CD300LD: variants seen among roughly 807,000 people sequenced by gnomAD.
CD300LD encodes the protein CMRF35-like molecule 5.
Under a neutral mutation model 20.3 loss-of-function variants are expected in CD300LD, and 18 were observed. The ratio of observed to expected loss-of-function variants is 0.89; its 90% confidence interval spans 0.61 to 1.32. The LOEUF (loss-of-function observed/expected upper bound fraction) is 1.32. CD300LD is among the 40% of genes most tolerant of loss of function. The pLI is 0.00. For missense variants in CD300LD, 195 were observed against 226.6 expected (o/e 0.86, Z 0.90); for synonymous variants, 104 against 90.1 (o/e 1.15, Z -0.87).
intron 2 of CD300LD, among the ~76,000 whole-genome samples, chr17:74,584,389 G>A (rs1306974394): frequency 1.3e-5 from 2 of 152,126 alleles, no homozygotes; most frequent in Non-Finnish European, 2.9e-5. Flanking sequence ...AAGAATGAGA[G>A]TCATGACCAA....
At chr17:74,581,424 A>G (rs1260752287) in intron 3 of CD300LD, among the ~76,000 whole-genome samples, 1 of 152,208 alleles carries the variant, frequency 6.6e-6, no homozygotes, top group Non-Finnish European at 1.5e-5. Context: ...GCTTGACCAC[A>G]GCAGGCCGTG....
At chr17:74,580,723 T>C (rs888388269) in intron 3 of CD300LD, among the ~76,000 whole-genome samples, 12 of 152,140 alleles carry the variant, frequency 7.9e-5, no homozygotes, top group African/African-American at 2.9e-4. Context: ...GCCTTCGTTG[T>C]TTCTTTCACC....
At chr17:74,592,109 G>C (rs1329159457) in intron 1 of CD300LD, 54 bp downstream of exon 1, 1 of 1,614,116 alleles carries the variant, frequency 6.2e-7, no homozygotes, top group Non-Finnish European at 8.5e-7. Context: ...GAGCGTCTCT[G>C]TCTCCAAGCC....
rs777023909 is a variant in CD300LD, at chr17:74,588,739, A to T, written c.151T>A (p.Trp51Arg). ...TTCCAATCAGCTCCTTGACACCGCC[A>T]CTTCAAGTAGGTCTCCCAGCCTGAG... Reference protein sequence around the residue: ...YGSGWETYLKWRCQGADWNYC... With the variant: ...YGSGWETYLKRRCQGADWNYC... The change falls in exon 2 of 4, where the codon TGG becomes AGG. Residue 51 changes from tryptophan (W) to arginine (R), a missense_variant. Coordinates refer to ENST00000375352, the MANE Select transcript of CD300LD (RefSeq NM_001115152.2). The T allele has an allele frequency of 9.3e-6, 15 of 1,614,148 alleles. No homozygotes were observed. Among genetic ancestry groups the T allele is most frequent in the Non-Finnish European group, 1.3e-5 (15 of 1,180,006 alleles).
In CD300LD at chr17:74,580,123, C is replaced by A. The variant is rs2030000974; in HGVS notation, c.474-10G>T. 1 of 1,586,298 alleles carries A rather than the reference C, an allele frequency of 6.3e-7. No individual in the cohort carries two copies. The highest frequency in any genetic ancestry group is 2.3e-5 in the East Asian group (1 of 44,342). On this transcript the variant is annotated splice_polypyrimidine_tract_variant and intron_variant, in intron 3 of 3. Coordinates refer to ENST00000375352, the MANE Select transcript of CD300LD (RefSeq NM_001115152.2). ...GCTCTTGAGCGGGGACCTGTGGGAACACGGTGACAGGAAATGAGCTGCCTC... is the reference window on the plus strand; with the variant it reads ...GCTCTTGAGCGGGGACCTGTGGGAAAACGGTGACAGGAAATGAGCTGCCTC...
intron 2 of CD300LD, among the ~76,000 whole-genome samples, chr17:74,587,402 T>C (rs987088769): frequency 2.0e-5 from 3 of 152,230 alleles, no homozygotes; most frequent in Non-Finnish European, 4.4e-5. Context: ...ATTCTTTTAG[T>C]AGCTATAAAA....
At chr17:74,591,725 C>T (rs1361905105) in intron 1 of CD300LD, among the ~76,000 whole-genome samples, 1 of 150,126 alleles carries the variant, frequency 6.7e-6, no homozygotes, top group African/African-American at 2.5e-5. Flanking sequence ...AAGAATGAAG[C>T]TTTGATTTGT....
At chr17:74,585,447 G>A (rs1046299115) in intron 2 of CD300LD, among the ~76,000 whole-genome samples, 2 of 152,136 alleles carry the variant, frequency 1.3e-5, no homozygotes, top group Non-Finnish European at 2.9e-5. Context: ...ACTGGCCTGT[G>A]TCACCCCCTC....
In CD300LD at chr17:74,588,723, G is replaced by A. The variant is rs1239526131; in HGVS notation, c.167C>T (p.Ala56Val). 2 of 1,614,120 alleles carry A rather than the reference G, an allele frequency of 1.2e-6. No homozygotes were observed. ...ETYLKWRCQGADWNYCNILVK... is the reference protein window; with the variant it reads ...ETYLKWRCQGVDWNYCNILVK... The stretch of plus-strand genomic sequence containing the variant: ...AAGGATGTTACAGTAATTCCAATCA[G>A]CTCCTTGACACCGCCACTTCAAGTA... The change falls in exon 2 of 4, where the codon GCT becomes GTT. Residue 56 changes from alanine (A) to valine (V), a missense_variant. Physicochemically the swap from Ala to Val is moderately conservative, Grantham distance 64. Coordinates refer to ENST00000375352, the MANE Select transcript of CD300LD (RefSeq NM_001115152.2).
In CD300LD at chr17:74,579,892, A is replaced by T; in HGVS notation, c.*110T>A. 1 of 636,878 alleles carries T rather than the reference A, an allele frequency of 1.6e-6. No individual in the cohort carries two copies. The highest frequency in any genetic ancestry group is 2.8e-6 in the Non-Finnish European group (1 of 362,412). The allele number at this position is 636,878 out of a possible 1,614,324, so 39.5% of individuals were successfully genotyped here. A position where few individuals can be genotyped will look rare whatever the true frequency, so the allele number is the denominator to read the frequency against. On this transcript the variant is annotated 3_prime_UTR_variant, in exon 4 of 4. Transcript: ENST00000375352. ...AGAGCAAGACTCTATCTCTAGAAAG[A>T]AAAAAAGAAGAGAAAAGAAAATGTT...
chr17:74,587,267 G>A (rs1022739332), intron 2 of CD300LD, among the ~76,000 whole-genome samples: 1 of 152,196 alleles, frequency 6.6e-6, no homozygotes, highest in African/African-American at 2.4e-5. Flanking sequence ...AAGATATAGA[G>A]CTATTCCAGT....
chr17:74,591,268 A>AAATAATAAT (rs58060319), intron 1 of CD300LD, among the ~76,000 whole-genome samples: 8,957 of 142,296 alleles, frequency 0.063, 394 homozygotes, highest in East Asian at 0.17. Flanking sequence ...AAAAAAATAA[A>AAATAATAAT]AATAATAATA....
chr17:74,579,684 G>A lies in CD300LD; in HGVS notation c.*318C>T. On this transcript the variant is annotated 3_prime_UTR_variant, in exon 4 of 4. Coordinates refer to ENST00000375352, the MANE Select transcript of CD300LD (RefSeq NM_001115152.2). ...GGATCTCTTGAGGTCAAGAGTTCGA[G>A]ACCAGCCTGGGCAACGTGGTGGAAG... 1 of 195,970 alleles carries A rather than the reference G, an allele frequency of 5.1e-6. No individual in the cohort carries two copies. Among genetic ancestry groups the A allele is most frequent in the Non-Finnish European group, 1.1e-5 (1 of 94,068 alleles). 12.1% of individuals were successfully genotyped at this position (195,970 alleles called of 1,614,324 possible).
downstream of CD300LD, chr17:74,579,348 A>T (rs1424188902): frequency 6.6e-6 from 1 of 152,106 alleles, no homozygotes; most frequent in African/African-American, 2.4e-5. Flanking sequence ...CATGTGGCTC[A>T]CAGACCTGAG....
intron 2 of CD300LD, among the ~76,000 whole-genome samples, chr17:74,585,769 A>G (rs951519840): frequency 6.6e-6 from 1 of 152,214 alleles, no homozygotes; most frequent in Non-Finnish European, 1.5e-5. Flanking sequence ...TTTGGCTTGC[A>G]CTTGTTTGTC....
At chr17:74,580,196 C>A in intron 3 of CD300LD, 83 bp from the exon 4 acceptor site, 1 of 900,092 alleles carries the variant, frequency 1.1e-6, no homozygotes, top group Non-Finnish European at 1.8e-6. Context: ...CAGATCCTGG[C>A]TTCCAATGTC....
intron 2 of CD300LD, among the ~76,000 whole-genome samples, chr17:74,586,763 TA>T (rs1477912716): frequency 6.6e-6 from 1 of 152,138 alleles, no homozygotes; most frequent in Non-Finnish European, 1.5e-5. Flanking sequence ...TAATTTTGGG[TA>T]AAAGCTGTCT....
chr17:74,584,593 T>C (rs535772029), intron 2 of CD300LD: 1 of 152,296 alleles, frequency 6.6e-6, no homozygotes, highest in Non-Finnish European at 1.5e-5. Context: ...TGTGTGTACC[T>C]GTAATAAATC....
intron 2 of CD300LD, among the ~76,000 whole-genome samples, chr17:74,583,520 C>T (rs2030084934): frequency 6.6e-6 from 1 of 152,100 alleles, no homozygotes; most frequent in Non-Finnish European, 1.5e-5. Flanking sequence ...CTGTTGTTTA[C>T]GCCACCCAGT....
Sources: gnomAD v4.1 joint callset for allele counts (sites outside exome capture counted in the v4.1 genomes callset) on GRCh38, gnomAD v4.1.1 for gene constraint, MANE v1.5 for transcripts, NCBI Gene and HGNC (gene_info 2026-07-23, HGNC 2026-07-21) for gene names.